The following SHISA6 variants were observed in gnomAD, a reference collection of about 807,000 sequenced individuals.
The protein encoded by SHISA6 is shisa family member 6.
A neutral mutation model predicts 47.9 loss-of-function variants in SHISA6; 22 were observed. That is an observed-to-expected ratio of 0.46 (90% CI 0.33 to 0.66). The LOEUF (loss-of-function observed/expected upper bound fraction) is 0.66, where lower values mean the gene tolerates loss of function less well. SHISA6 is among the 30% of genes least tolerant of loss of function. The probability of loss-of-function intolerance (pLI) is 0.02; values close to 1 mark genes in which losing one functional copy is unlikely to be tolerated. For missense variants in SHISA6, 680 were observed against 764.6 expected, an observed-to-expected ratio of 0.89 and a Z score of 1.30; for synonymous variants, 388 against 337.8, an observed-to-expected ratio of 1.15 and a Z score of -1.63.
At chr17:11,487,512 A>C (rs2142335446) in intron 3 of SHISA6, among the ~76,000 whole-genome samples, 1 of 152,314 alleles carries the variant, frequency 6.6e-6, no homozygotes, top group South Asian at 2.1e-4. Flanking sequence ...CTATCTAGCC[A>C]TGTACCCAGG....
At chr17:11,555,050 G>T (rs557692636) in intron 4 of SHISA6, among the ~76,000 whole-genome samples, 27 of 152,258 alleles carry the variant, frequency 1.8e-4, no homozygotes, top group Non-Finnish European at 2.9e-4. Context: ...GGAGAAAGTG[G>T]GGATGATGTG....
At chr17:11,411,757 C>G (rs1370682069) in intron 3 of SHISA6, among the ~76,000 whole-genome samples, 1 of 152,150 alleles carries the variant, frequency 6.6e-6, no homozygotes, top group Non-Finnish European at 1.5e-5. Flanking sequence ...GCATGGAGAA[C>G]CTCTGCATGT....
intron 1 of SHISA6, among the ~76,000 whole-genome samples, chr17:11,243,517 C>T (rs1427220390): frequency 6.6e-6 from 1 of 152,120 alleles, no homozygotes; most frequent in African/African-American, 2.4e-5. Flanking sequence ...CAGTAAGTAT[C>T]CTCTTGTGTG....
At chr17:11,495,383 T>C (rs931634448) in intron 3 of SHISA6, among the ~76,000 whole-genome samples, 1 of 152,060 alleles carries the variant, frequency 6.6e-6, no homozygotes, top group Non-Finnish European at 1.5e-5. Context: ...GGGGGCCAGA[T>C]GAAAACAAGT....
intron 3 of SHISA6, among the ~76,000 whole-genome samples, chr17:11,515,315 A>T (rs1447690748): frequency 3.9e-5 from 2 of 51,600 alleles, no homozygotes; most frequent in Non-Finnish European, 4.6e-5. Context: ...AGAAAGAAAA[A>T]GGAAGGAAGG....
intron 3 of SHISA6, among the ~76,000 whole-genome samples, chr17:11,494,677 C>T (rs963345436): frequency 6.6e-6 from 1 of 152,144 alleles, no homozygotes; most frequent in African/African-American, 2.4e-5. Context: ...GGGGAAAGCT[C>T]TTGGCTGCCA....
chr17:11,342,048 A>C (rs938125671), intron 2 of SHISA6, among the ~76,000 whole-genome samples: 1 of 151,968 alleles, frequency 6.6e-6, no homozygotes, highest in Non-Finnish European at 1.5e-5. Context: ...CTCTCTGGCA[A>C]ACTTTCCTCT....
intron 3 of SHISA6, among the ~76,000 whole-genome samples, chr17:11,451,559 C>T (rs1035786841): frequency 3.9e-5 from 6 of 152,068 alleles, no homozygotes; most frequent in African/African-American, 9.7e-5. Flanking sequence ...AAGGAATGAC[C>T]GGTCAGGGGA....
At chr17:11,432,212 C>A (rs1355608378) in intron 3 of SHISA6, among the ~76,000 whole-genome samples, 2 of 152,216 alleles carry the variant, frequency 1.3e-5, no homozygotes, top group African/African-American at 4.8e-5. Context: ...AAATGGATTT[C>A]TGTGACTTCA....
At chr17:11,362,492 A>G (rs1316642022) in intron 2 of SHISA6, among the ~76,000 whole-genome samples, 1 of 152,134 alleles carries the variant, frequency 6.6e-6, no homozygotes, top group Admixed American at 6.5e-5. Context: ...TGATGCTTCT[A>G]CCAATTTCAC....
intron 3 of SHISA6, among the ~76,000 whole-genome samples, chr17:11,476,378 G>A (rs1426125350): frequency 6.6e-6 from 1 of 151,902 alleles, no homozygotes; most frequent in African/African-American, 2.4e-5. Flanking sequence ...TGGAAACCTA[G>A]ATTACTGATT....
At chr17:11,507,499 C>T (rs139952146) in intron 3 of SHISA6, among the ~76,000 whole-genome samples, 16 of 152,316 alleles carry the variant, frequency 1.1e-4, no homozygotes, top group Admixed American at 2.0e-4. Context: ...TAAGAGATGT[C>T]TTATGTTTCC....
rs1909623047 is a variant in SHISA6, at chr17:11,293,357, A to G, written c.799+29831A>G. 3.9e-5 allele frequency among the ~76,000 whole-genome samples: 6 copies of G among 152,284 alleles called. No homozygotes were observed. In the South Asian group the frequency reaches 1.2e-3, roughly 32 times the overall value. ...TGTTGATTTGTCATATGCAAGGGAA[A>G]TGGATTTTCAAGGACGACTACTACA... is the stretch of plus-strand genomic sequence containing the variant. On this transcript the variant is annotated intron_variant, in intron 2 of 5. Transcript: ENST00000441885.
intron 3 of SHISA6, among the ~76,000 whole-genome samples, chr17:11,387,962 C>T (rs1168313572): frequency 6.6e-6 from 1 of 152,130 alleles, no homozygotes; most frequent in Admixed American, 6.5e-5. Context: ...CTCATGGCCT[C>T]ATGTGATACA....
intron 2 of SHISA6, among the ~76,000 whole-genome samples, chr17:11,373,258 C>T (rs1003024747): frequency 6.6e-6 from 1 of 151,734 alleles, no homozygotes; most frequent in Non-Finnish European, 1.5e-5. Flanking sequence ...AAACTGGACA[C>T]TCTTTGTGGC....
intron 1 of SHISA6, among the ~76,000 whole-genome samples, chr17:11,260,907 C>T (rs945993502): frequency 1.3e-5 from 2 of 152,086 alleles, no homozygotes; most frequent in African/African-American, 4.8e-5. Flanking sequence ...AAGCTGCTGC[C>T]CACTCTTTTG....
intron 1 of SHISA6, among the ~76,000 whole-genome samples, chr17:11,242,329 T>C (rs1263603565): frequency 6.6e-6 from 1 of 152,242 alleles, no homozygotes; most frequent in Non-Finnish European, 1.5e-5. Flanking sequence ...AGTGTAAGAA[T>C]GTTACAAATT....
chr17:11,281,205 T>A (rs900081685), intron 2 of SHISA6, among the ~76,000 whole-genome samples: 2 of 152,204 alleles, frequency 1.3e-5, no homozygotes, highest in Admixed American at 1.3e-4. Flanking sequence ...ATATCATGTA[T>A]AACATACAGT....
At chr17:11,403,463 C>G (rs1913846345) in intron 3 of SHISA6, among the ~76,000 whole-genome samples, 2 of 152,174 alleles carry the variant, frequency 1.3e-5, no homozygotes, top group South Asian at 4.1e-4. Flanking sequence ...GGGAACACAA[C>G]AAAATTGCTG....
Sources: gnomAD v4.1 joint callset for allele counts (sites outside exome capture counted in the v4.1 genomes callset) on GRCh38, gnomAD v4.1.1 for gene constraint, MANE v1.5 for transcripts, NCBI Gene and HGNC (gene_info 2026-07-23, HGNC 2026-07-21) for gene names.